AGAP1: variants seen among roughly 807,000 people sequenced by gnomAD.
The protein encoded by AGAP1 is arf-GAP with GTPase, ANK repeat and PH domain-containing protein 1.
Under a neutral mutation model 105.3 loss-of-function variants are expected in AGAP1, and 29 were observed. The ratio of observed to expected loss-of-function variants is 0.28; its 90% CI spans 0.21 to 0.38. The LOEUF is 0.38. AGAP1 is among the 10% of genes least tolerant of loss of function. The pLI is 1.00. For synonymous variants in AGAP1, 509 were observed against 485.9 expected (o/e 1.05, Z -0.63); for missense variants, 998 against 1,165.1 (o/e 0.86, Z 2.09).
chr2:235,938,955 TG>T (rs1288283588), intron 12 of AGAP1, among the ~76,000 whole-genome samples: 5 of 152,106 alleles, frequency 3.3e-5, no homozygotes, highest in Admixed American at 6.5e-5. Flanking sequence ...TGGCCTGGGA[TG>T]GAACCCAAGC....
rs1305663234 is a variant in AGAP1 at position 235,549,830 on chromosome 2, C to T, written c.163+54981C>T. 6.6e-6 allele frequency among the ~76,000 whole-genome samples: 1 copy of T among 152,178 alleles called. No individual in the cohort carries two copies. Among genetic ancestry groups the T allele is most frequent in the Non-Finnish European group, 1.5e-5 (1 of 68,046 alleles). ...CATCCTAGTTGCATCTCACCGCGGC[C>T]TAACATCCCCGGGAGCATGGGGATT... is the stretch of plus-strand genomic sequence containing the variant. On this transcript the variant is annotated intron_variant, in intron 1 of 17. Coordinates refer to ENST00000304032, the MANE Select transcript of AGAP1 (RefSeq NM_001037131.3). The surrounding 1 kb of genome is among the most constrained non-coding windows in gnomAD (Gnocchi z 4.2).
At position 235,824,262 on chromosome 2, in the gene AGAP1, C is replaced by G. The variant is rs1408591286; in HGVS notation, c.1050+16931C>G. On this transcript the variant is annotated intron_variant, in intron 9 of 17. Coordinates refer to ENST00000304032, the MANE Select transcript of AGAP1 (RefSeq NM_001037131.3). The surrounding 1 kb of genome is among the most constrained non-coding windows in gnomAD (Gnocchi z 5.2). ...CCTTTCCCCTTAATACAGAAATCCT[C>G]TAAGTGTATTCGAAAGCAGTTGTTT... is the stretch of plus-strand genomic sequence containing the variant. Among the ~76,000 whole-genome samples the G allele has an allele frequency of 6.6e-6, 1 of 152,192 alleles. No homozygotes were observed. The highest frequency in any genetic ancestry group is 1.5e-5 in the Non-Finnish European group (1 of 68,030).
rs1402133987 is a variant in AGAP1, at chr2:235,908,856, C to T, written c.1274C>T (p.Thr425Ile). Residue 425 changes from threonine to isoleucine, a missense_variant, in exon 11 of 18, where the codon ACC (threonine) becomes ATC (isoleucine). Thr to Ile is a moderately conservative substitution (Grantham distance 89, BLOSUM62 -1). This residue lies in a region of AGAP1 where 735 missense variants were observed against 833.4 expected (regional missense o/e 0.88). Transcript: ENST00000304032. This position sits in a 1 kb window ranked among gnomAD's most constrained non-coding sequence, Gnocchi z 4.4. ...SACAPISSPK[T>I]NGLSKDMSSL... ...TGCGCACCCATCTCCAGCCCTAAAA[C>T]CAATGGCCTATCCAAGGACATGAGC... 1 of 1,614,132 alleles carries T rather than the reference C, an allele frequency of 6.2e-7. No individual in the cohort carries two copies.
rs1052269709 is a variant in AGAP1, at chr2:235,963,868, A to G, written c.1484-4594A>G. On this transcript the variant is annotated intron_variant, in intron 12 of 17. Coordinates refer to ENST00000304032, the MANE Select transcript of AGAP1 (RefSeq NM_001037131.3). The surrounding 1 kb of genome is among the most constrained non-coding windows in gnomAD (Gnocchi z 5.1). ...TAGAGAGCCTAGCGGTAGACCTACCACGCCCCTGTGGAAGCCTGTCGTGTG... is the reference window on the plus strand; with the variant it reads ...TAGAGAGCCTAGCGGTAGACCTACCGCGCCCCTGTGGAAGCCTGTCGTGTG... Among the ~76,000 whole-genome samples the G allele has an allele frequency of 3.3e-5, 5 of 152,204 alleles. No individual in the cohort carries two copies. Among genetic ancestry groups the G allele is most frequent in the African/African-American group, 1.2e-4 (5 of 41,442 alleles).
At chr2:235,755,407 A>T (rs977952276) in intron 6 of AGAP1, among the ~76,000 whole-genome samples, 2 of 152,208 alleles carry the variant, frequency 1.3e-5, no homozygotes, top group African/African-American at 2.4e-5. Flanking sequence ...AGTTCATTCC[A>T]TGTAGACATT....
At chr2:235,640,691 T>G (rs1051276273) in intron 1 of AGAP1, among the ~76,000 whole-genome samples, 1 of 152,196 alleles carries the variant, frequency 6.6e-6, no homozygotes. Flanking sequence ...TACCACCATT[T>G]TTATTCCCCT....
rs549991858 is a variant in AGAP1, at chr2:235,535,192, G to T, written c.163+40343G>T. Among the ~76,000 whole-genome samples, 1 of 152,134 alleles carries T rather than the reference G, an allele frequency of 6.6e-6. No individual in the cohort carries two copies. Among genetic ancestry groups the T allele is most frequent in the South Asian group, 2.1e-4 (1 of 4,812 alleles). On this transcript the variant is annotated intron_variant, in intron 1 of 17. Coordinates refer to ENST00000304032, the MANE Select transcript of AGAP1 (RefSeq NM_001037131.3). The surrounding 1 kb of genome is among the most constrained non-coding windows in gnomAD (Gnocchi z 5.1). ...TCCACCGGGCCACCCGCACCAGGTTGCCTCCCATCGTTTGCAGGAGCGGAA... is the reference window on the plus strand; with the variant it reads ...TCCACCGGGCCACCCGCACCAGGTTTCCTCCCATCGTTTGCAGGAGCGGAA...
At chr2:235,533,568 A>G (rs1000996392) in intron 1 of AGAP1, among the ~76,000 whole-genome samples, 2 of 152,256 alleles carry the variant, frequency 1.3e-5, no homozygotes, top group Non-Finnish European at 2.9e-5. Context: ...ACTCTGGCTG[A>G]GATTAAACAC....
intron 9 of AGAP1, among the ~76,000 whole-genome samples, chr2:235,839,610 G>C (rs1437113281): frequency 6.6e-6 from 1 of 152,166 alleles, no homozygotes; most frequent in Non-Finnish European, 1.5e-5. Context: ...TGATGTTGGA[G>C]GAGCCAGACT....
At chr2:235,554,666 C>G (rs752818396) in intron 1 of AGAP1, among the ~76,000 whole-genome samples, 1 of 152,168 alleles carries the variant, frequency 6.6e-6, no homozygotes, top group East Asian at 1.9e-4. Flanking sequence ...TTTAAAATCA[C>G]GGAACCATTT....
chr2:235,756,288 G>C (rs1272640912), intron 6 of AGAP1, among the ~76,000 whole-genome samples: 1 of 152,160 alleles, frequency 6.6e-6, no homozygotes, highest in Non-Finnish European at 1.5e-5. Context: ...GGGGAGACAG[G>C]ATCAGGGTTT....
intron 9 of AGAP1, among the ~76,000 whole-genome samples, chr2:235,862,152 G>GCTCCATTCATCCATGA (rs1371215900): frequency 2.3e-4 from 35 of 152,114 alleles, no homozygotes; most frequent in African/African-American, 7.7e-4. Context: ...TTCATCCATG[G>GCTCCATTCATCCATGA]CTCCATTCAT....
In AGAP1 at chr2:235,716,071, T is replaced by TC. The variant is rs754191664; in HGVS notation, c.223-1480dup. Among the ~76,000 whole-genome samples, 13 of 151,848 alleles carry TC rather than the reference T, an allele frequency of 8.6e-5. No homozygotes were observed. Among genetic ancestry groups the TC allele is most frequent in the Admixed American group, 1.3e-4 (2 of 15,244 alleles). On this transcript the variant is annotated intron_variant, in intron 2 of 17. Coordinates refer to ENST00000304032, the MANE Select transcript of AGAP1 (RefSeq NM_001037131.3). The surrounding 1 kb of genome is among the most constrained non-coding windows in gnomAD (Gnocchi z 4.0). ...GATTTGGGAATAGGCAGCTTTTTTT[T>TC]CCCCCCACATCCAACCTTCTATCAA... is the stretch of plus-strand genomic sequence containing the variant.
In AGAP1 at chr2:235,687,329, G is replaced by A. The variant is rs1005593282; in HGVS notation, c.164-21850G>A. 5.3e-5 allele frequency among the ~76,000 whole-genome samples: 8 copies of A among 152,102 alleles called. 1 individual carries two copies. The highest frequency in any genetic ancestry group is 1.0e-4 in the Non-Finnish European group (7 of 68,022). On this transcript the variant is annotated intron_variant, in intron 1 of 17. Transcript: ENST00000304032. Reference sequence around the variant, plus strand: ...CCTTTGGAAGGAGATTAAGTTCTCCGGTTCCATCAGGTGTAATGATTTCAG... The same window carrying A: ...CCTTTGGAAGGAGATTAAGTTCTCCAGTTCCATCAGGTGTAATGATTTCAG...
At position 236,061,210 on chromosome 2, in the gene AGAP1, G is replaced by A. The variant is rs535687280; in HGVS notation, c.2114+11929G>A. 1.8e-4 allele frequency among the ~76,000 whole-genome samples: 27 copies of A among 152,240 alleles called. No individual in the cohort carries two copies. Among genetic ancestry groups the A allele is most frequent in the African/African-American group, 5.3e-4 (22 of 41,534 alleles). ...TGCAGATCACCCTTGAGCCCCCACCGCACGTGCTCTTGGACGGTCGTGGCA... is the reference window on the plus strand; with the variant it reads ...TGCAGATCACCCTTGAGCCCCCACCACACGTGCTCTTGGACGGTCGTGGCA... On this transcript the variant is annotated intron_variant, in intron 16 of 17. Coordinates refer to ENST00000304032, the MANE Select transcript of AGAP1 (RefSeq NM_001037131.3). The surrounding 1 kb of genome is among the most constrained non-coding windows in gnomAD (Gnocchi z 4.1).
At position 235,601,222 on chromosome 2, in the gene AGAP1, C is replaced by T. The variant is rs971715472; in HGVS notation, c.163+106373C>T. On this transcript the variant is annotated intron_variant, in intron 1 of 17. Transcript: ENST00000304032. The surrounding 1 kb of genome is among the most constrained non-coding windows in gnomAD (Gnocchi z 4.4). ...TCAAGGTGGCGTTTCTGGTGGGGCC[C>T]CTCTTTCTGGCTTGCAGATAGTTCC... is the stretch of plus-strand genomic sequence containing the variant. 2.0e-5 allele frequency among the ~76,000 whole-genome samples: 3 copies of T among 152,152 alleles called. No homozygotes were observed. Among genetic ancestry groups the T allele is most frequent in the Non-Finnish European group, 4.4e-5 (3 of 68,034 alleles).
rs1228876314 is a variant in AGAP1 at position 235,982,318 on chromosome 2, A to G, written c.1645+13695A>G. Reference sequence around the variant, plus strand: ...TTACAATTAACATATAATTACCTCAACGGGCCAATTAATTAAGCAATTTAA... The same window carrying G: ...TTACAATTAACATATAATTACCTCAGCGGGCCAATTAATTAAGCAATTTAA... On this transcript the variant is annotated intron_variant, in intron 13 of 17. Transcript: ENST00000304032. This position sits in a 1 kb window ranked among gnomAD's most constrained non-coding sequence, Gnocchi z 4.9. Among the ~76,000 whole-genome samples the G allele has an allele frequency of 1.4e-5, 2 of 147,262 alleles. No homozygotes were observed. Among genetic ancestry groups the G allele is most frequent in the African/African-American group, 2.7e-5 (1 of 36,714 alleles).
chr2:235,935,584 G>T (rs2052950175), intron 12 of AGAP1, among the ~76,000 whole-genome samples: 1 of 152,130 alleles, frequency 6.6e-6, no homozygotes, highest in Admixed American at 6.5e-5. Flanking sequence ...GTTTATCACT[G>T]TAATGGCAGT....
rs776951271 is a variant in AGAP1 at position 236,045,948 on chromosome 2, C to T, written c.1892-3111C>T. ...GCAACATTTTGGGTTTCAGAGAATT[C>T]GGAGTCCGGCACAGGAATGTGTCCC... is the stretch of plus-strand genomic sequence containing the variant. On this transcript the variant is annotated intron_variant, in intron 15 of 17. Transcript: ENST00000304032. The surrounding 1 kb of genome is among the most constrained non-coding windows in gnomAD (Gnocchi z 6.9). The T allele has an allele frequency of 4.7e-5, 22 of 471,448 alleles. No homozygotes were observed. Among genetic ancestry groups the T allele is most frequent in the Non-Finnish European group, 7.0e-5 (16 of 227,116 alleles). 29.2% of individuals were successfully genotyped at this position (471,448 alleles called of 1,614,324 possible).
Sources: allele counts gnomAD v4.1 joint callset (sites outside exome capture counted in the v4.1 genomes callset), GRCh38; gene constraint gnomAD v4.1.1; regional missense constraint gnomAD v4.1.1; non-coding constraint Gnocchi (gnomAD v3.1); transcripts MANE v1.5; gene names NCBI Gene and HGNC (gene_info 2026-07-23, HGNC 2026-07-21).